The following LSM5 variants were observed in gnomAD, a reference collection of about 807,000 sequenced individuals.
The protein encoded by LSM5 is LSM5 homolog, U6 small nuclear RNA and mRNA degradation associated.
A neutral mutation model predicts 13.8 loss-of-function variants in LSM5; 8 were observed. The ratio of observed to expected loss-of-function variants is 0.58; its 90% confidence interval spans 0.34 to 1.04. The LOEUF (loss-of-function observed/expected upper bound fraction) is 1.04, where lower values mean the gene tolerates loss of function less well. Among genes scored for constraint, LSM5 ranks in the 50% least tolerant of loss-of-function variants. LSM5 has a pLI of 0.03. For missense variants in LSM5, 80 were observed against 108.1 expected (o/e 0.74, Z 1.15); for synonymous variants, 35 against 37.0 (o/e 0.95, Z 0.20).
intron 3 of LSM5, 186 bp downstream of exon 3, chr7:32,488,439 C>T (rs556041961): frequency 3.6e-5 from 19 of 522,584 alleles, no homozygotes; most frequent in Middle Eastern, 5.1e-4. Flanking sequence ...ATATTCTAGG[C>T]GTTTACTAAT....
intron 1 of LSM5, chr7:32,489,945 G>T: frequency 1.0e-6 from 1 of 994,512 alleles, no homozygotes; most frequent in Non-Finnish European, 1.3e-6. Flanking sequence ...GGGTGTTAGT[G>T]TCACTAACCA....
upstream of LSM5, among the ~76,000 whole-genome samples, chr7:32,491,489 C>T (rs117699944): frequency 8.2e-3 from 1,248 of 151,692 alleles, 9 homozygotes; most frequent in South Asian, 0.018. Flanking sequence ...AAGCACCCAT[C>T]ATTCCTTCAT....
At chr7:32,487,852 A>G (rs1786485039) in intron 3 of LSM5, 95 bp from the exon 4 acceptor site, 1 of 692,478 alleles carries the variant, frequency 1.4e-6, no homozygotes, top group Admixed American at 2.2e-5. Flanking sequence ...TTATCCTTGT[A>G]TACAAATTAC....
At position 32,485,942 on chromosome 7, in the gene LSM5, C is replaced by CAAAAAA. The variant is rs10598963; in HGVS notation, c.*1313_*1318dup. On this transcript the variant is annotated 3_prime_UTR_variant, in exon 5 of 5. Transcript: ENST00000450169. ...GCCACTGCATTCCAGTGAGACTCTC[C>CAAAAAA]AAAAAAAAAAAAAAAAAAAAAAAAA... The CAAAAAA allele has an allele frequency of 8.7e-6, 1 of 114,542 alleles. No individual in the cohort carries two copies. Among genetic ancestry groups the CAAAAAA allele is most frequent in the African/African-American group, 3.4e-5 (1 of 29,196 alleles). The allele number at this position is 114,542 out of a possible 1,614,324, so 7.1% of individuals were successfully genotyped here.
rs1439973865 is a variant in LSM5 at position 32,490,368 on chromosome 7, C to A, written c.-3G>T. 6.2e-7 allele frequency: 1 copy of A among 1,612,740 alleles called. No homozygotes were observed. Among genetic ancestry groups the A allele is most frequent in the Non-Finnish European group, 8.5e-7 (1 of 1,178,694 alleles). ...TTGGTAGTAGCGTTAGCCGCCATGG[C>A]TACGCCGGAAGTGGCCTGCCTTCAT... On this transcript the variant is annotated 5_prime_UTR_variant, in exon 1 of 5. Transcript: ENST00000450169.
In LSM5 at chr7:32,486,058, A is replaced by T. The variant is rs1786436992; in HGVS notation, c.*1203T>A. On this transcript the variant is annotated 3_prime_UTR_variant, in exon 5 of 5. Coordinates refer to ENST00000450169, the MANE Select transcript of LSM5 (RefSeq NM_012322.3). ...CACAGCTAATGCTGGGAAGGATATA[A>T]ATGGTACTATGAAAGACTCCTGGCA... 1 of 152,166 alleles carries T rather than the reference A, an allele frequency of 6.6e-6. No individual in the cohort carries two copies. The highest frequency in any genetic ancestry group is 1.5e-5 in the Non-Finnish European group (1 of 68,028). The allele number at this position is 152,166 out of a possible 1,614,324, so 9.4% of individuals were successfully genotyped here. A position where few individuals can be genotyped will look rare whatever the true frequency, so the allele number is the denominator to read the frequency against.
At chr7:32,493,531 T>C (rs559662679), upstream of LSM5, among the ~76,000 whole-genome samples, 1 of 113,048 alleles carries the variant, frequency 8.8e-6, no homozygotes, top group East Asian at 3.2e-4. Flanking sequence ...TTTTTCTTTC[T>C]CTCTCTCTCC....
upstream of LSM5, among the ~76,000 whole-genome samples, chr7:32,494,664 TAA>T (rs1271221857): frequency 6.6e-6 from 1 of 152,198 alleles, no homozygotes; most frequent in African/African-American, 2.4e-5. Context: ...ATTCACTGCT[TAA>T]AAAAGAATTG....
chr7:32,493,913 G>C (rs558431798), upstream of LSM5, among the ~76,000 whole-genome samples: 2 of 147,434 alleles, frequency 1.4e-5, no homozygotes, highest in Admixed American at 6.7e-5. Flanking sequence ...GTGCGATGGT[G>C]CAATCTTGGC....
In LSM5 at chr7:32,488,644, G is replaced by T; in HGVS notation, c.151C>A (p.Leu51Met). ...LGFDDFVNMVLEDVTEFEITP... is the reference protein window; with the variant it reads ...LGFDDFVNMVMEDVTEFEITP... Reference sequence around the variant, plus strand: ...ACTCACAACTCAGTGACATCTTCCAGTACCATATCTGAAATTTGGTGTTAA... The same window carrying T: ...ACTCACAACTCAGTGACATCTTCCATTACCATATCTGAAATTTGGTGTTAA... Residue 51 changes from leucine to methionine, a missense_variant, in exon 3 of 5, where the codon CTG becomes ATG. By Grantham distance (15) the Leu-to-Met change is conservative. Transcript: ENST00000450169. The T allele has an allele frequency of 1.3e-6, 2 of 1,595,304 alleles. No homozygotes were observed. Among genetic ancestry groups the T allele is most frequent in the Non-Finnish European group, 1.7e-6 (2 of 1,163,400 alleles).
rs770770681 is a variant in LSM5, at chr7:32,487,302, A to G, written c.244-9T>C. 10 of 1,612,790 alleles carry G rather than the reference A, an allele frequency of 6.2e-6. No individual in the cohort carries two copies. The highest frequency in any genetic ancestry group is 6.8e-6 in the Non-Finnish European group (8 of 1,179,052). On this transcript the variant is annotated splice_polypyrimidine_tract_variant and intron_variant, in intron 4 of 4. Coordinates refer to ENST00000450169, the MANE Select transcript of LSM5 (RefSeq NM_012322.3). ...TCTCCTCCAGGAACCAGCTGCATAA[A>G]GAGGAAAAAGAGTTTATTAATAACA...
At position 32,486,131 on chromosome 7, in the gene LSM5, C is replaced by T. The variant is rs1320454257; in HGVS notation, c.*1130G>A. ...TTTTCTTGGCAACACAATATATACC[C>T]TTTGATCTTACACATTTTTGAGTTT... is the stretch of plus-strand genomic sequence containing the variant. On this transcript the variant is annotated 3_prime_UTR_variant, in exon 5 of 5. Transcript: ENST00000450169. The T allele has an allele frequency of 6.6e-6, 1 of 152,094 alleles. No homozygotes were observed. The highest frequency in any genetic ancestry group is 1.5e-5 in the Non-Finnish European group (1 of 68,016). The allele number at this position is 152,094 out of a possible 1,614,324, so 9.4% of individuals were successfully genotyped here.
intron 1 of LSM5, 183 bp downstream of exon 1, chr7:32,490,137 G>C: frequency 6.5e-7 from 1 of 1,540,160 alleles, no homozygotes; most frequent in Non-Finnish European, 8.8e-7. Flanking sequence ...TTGCCTGGAG[G>C]AGCCCGACCA....
rs1786467996 is a variant in LSM5, at chr7:32,487,214, G to C, written c.*47C>G. Reference sequence around the variant, plus strand: ...GTGGGAAAAAAAATTCCATTTTCTTGTCATTATAAGCCAAAACAAAATCTA... The same window carrying C: ...GTGGGAAAAAAAATTCCATTTTCTTCTCATTATAAGCCAAAACAAAATCTA... On this transcript the variant is annotated 3_prime_UTR_variant, in exon 5 of 5. Coordinates refer to ENST00000450169, the MANE Select transcript of LSM5 (RefSeq NM_012322.3). 6.4e-7 allele frequency: 1 copy of C among 1,562,692 alleles called. No individual in the cohort carries two copies. The highest frequency in any genetic ancestry group is 1.7e-5 in the Admixed American group (1 of 59,142).
chr7:32,488,154 C>T, intron 3 of LSM5: 1 of 221,552 alleles, frequency 4.5e-6, no homozygotes, highest in South Asian at 6.9e-5. Flanking sequence ...AAGGGATCCT[C>T]ACCCTCCAGA....
upstream of LSM5, chr7:32,490,389 T>C: frequency 6.3e-7 from 1 of 1,589,034 alleles, no homozygotes; most frequent in Non-Finnish European, 8.6e-7. Context: ...GTGGCCTGCC[T>C]TCATTGATGG....
chr7:32,493,817 C>T (rs1452696956), upstream of LSM5, among the ~76,000 whole-genome samples: 1 of 148,394 alleles, frequency 6.7e-6, no homozygotes, highest in Non-Finnish European at 1.5e-5. Flanking sequence ...CTGGGATTAC[C>T]AGCATGAGCC....
upstream of LSM5, among the ~76,000 whole-genome samples, chr7:32,491,543 T>G (rs1187558462): frequency 6.6e-6 from 1 of 152,226 alleles, no homozygotes; most frequent in African/African-American, 2.4e-5. Context: ...AGCAGTAGTT[T>G]ACGTGATTAA....
chr7:32,487,110 C>T lies in LSM5; in HGVS notation c.*151G>A, dbSNP rs1786466305. On this transcript the variant is annotated 3_prime_UTR_variant, in exon 5 of 5. Coordinates refer to ENST00000450169, the MANE Select transcript of LSM5 (RefSeq NM_012322.3). ...CTTTTTCCAGGATAATCATGATTAA[C>T]TTACAAAAATGGGTACACATCTTCA... The T allele has an allele frequency of 3.0e-6, 2 of 671,018 alleles. No individual in the cohort carries two copies. Among genetic ancestry groups the T allele is most frequent in the Non-Finnish European group, 2.6e-6 (1 of 382,590 alleles). The allele number at this position is 671,018 out of a possible 1,614,324, so 41.6% of individuals were successfully genotyped here.
Sources: gnomAD v4.1 joint callset for allele counts (sites outside exome capture counted in the v4.1 genomes callset) on GRCh38, gnomAD v4.1.1 for gene constraint, MANE v1.5 for transcripts, NCBI Gene and HGNC (gene_info 2026-07-23, HGNC 2026-07-21) for gene names.